Variants in ZBTB46 observed in about 807,000 individuals in gnomAD.
ZBTB46 encodes zinc finger and BTB domain containing 46.
ZBTB46 carries 8 observed loss-of-function variants against 44.1 expected under a neutral mutation model. The observed-to-expected ratio is 0.18, with a 90% CI of 0.11 to 0.33. The LOEUF (loss-of-function observed/expected upper bound fraction) is 0.33, where lower values mean the gene tolerates loss of function less well. ZBTB46 is among the 10% of genes least tolerant of loss of function. The pLI, the probability that ZBTB46 is intolerant of heterozygous loss-of-function variation, is 1.00. For missense variants in ZBTB46, 651 were observed against 847.7 expected, an observed-to-expected ratio of 0.77 and a Z score of 2.88; for synonymous variants, 409 against 382.3, an observed-to-expected ratio of 1.07 and a Z score of -0.81.
Position 63,807,808 on chromosome 20 carries a change from G to C in ZBTB46, c.-33-17018C>G, listed in dbSNP as rs550888956. ...GTCTGGCTTACAGGCGGCGCCTCAG[G>C]GCTCGCTCCCCCTCCGAGCGGGTCT... On this transcript the variant is annotated intron_variant, in intron 1 of 4. Coordinates refer to ENST00000245663, the MANE Select transcript of ZBTB46 (RefSeq NM_001369741.1). Among the ~76,000 whole-genome samples, 231 of 152,388 alleles carry C rather than the reference G, an allele frequency of 1.5e-3. 1 individual carries two copies. The Middle Eastern group carries it at 0.017, about 11-fold the overall frequency.
At chr20:63,782,358 A>G (rs1021679370) in intron 2 of ZBTB46, among the ~76,000 whole-genome samples, 114 of 152,080 alleles carry the variant, frequency 7.5e-4, no homozygotes, top group Non-Finnish European at 2.9e-4. Context: ...AGAAGCGAGG[A>G]TGGGAAGGGG....
intron 3 of ZBTB46, among the ~76,000 whole-genome samples, chr20:63,754,261 T>C (rs951940304): frequency 4.6e-5 from 7 of 152,158 alleles, no homozygotes; most frequent in East Asian, 1.9e-4. Context: ...TCAGCCACAC[T>C]GTGCCCCTGG....
chr20:63,815,898 A>C (rs1226651269), intron 1 of ZBTB46, among the ~76,000 whole-genome samples: 1 of 136,012 alleles, frequency 7.4e-6, no homozygotes, highest in Non-Finnish European at 1.6e-5. Context: ...TGCAGTGGGC[A>C]CAGGTACAGT....
chr20:63,792,063 T>C (rs1318745227), intron 1 of ZBTB46, among the ~76,000 whole-genome samples: 1 of 152,208 alleles, frequency 6.6e-6, no homozygotes, highest in African/African-American at 2.4e-5. Context: ...TGCACGTCTG[T>C]GTCCAAATGT....
chr20:63,769,298 C>A, intron 3 of ZBTB46: 1 of 985,402 alleles, frequency 1.0e-6, no homozygotes, highest in Non-Finnish European at 1.2e-6. Flanking sequence ...TCTGGCGGTT[C>A]CCCAGAGCTC....
rs1233998753 is a variant in ZBTB46, at chr20:63,789,921, G to T, written c.837C>A (p.Val279=). The change falls in exon 2 of 5, where the codon GTC becomes GTA. Residue 279 remains valine (V), a synonymous_variant. Transcript: ENST00000245663. ...CTTCCACCTGCTGTGTGATGTGCCG[G>T]ACGGTCTCTTTGTTTTTCCGATTCT... The part of the protein sequence containing the change: ...RRKNRKNKET[V]RHITQQVEDD... 6.2e-7 allele frequency: 1 copy of T among 1,614,090 alleles called. No homozygotes were observed. The highest frequency in any genetic ancestry group is 8.5e-7 in the Non-Finnish European group (1 of 1,180,044).
At chr20:63,783,049 G>A (rs1461366919) in intron 2 of ZBTB46, among the ~76,000 whole-genome samples, 3 of 152,168 alleles carry the variant, frequency 2.0e-5, no homozygotes, top group African/African-American at 7.2e-5. Flanking sequence ...AGGATCACCT[G>A]AGCCCAGGAG....
chr20:63,829,659 T>C (rs1364434100), intron 1 of ZBTB46, among the ~76,000 whole-genome samples: 2 of 152,234 alleles, frequency 1.3e-5, no homozygotes, highest in African/African-American at 4.8e-5. Flanking sequence ...TGGAAACACG[T>C]AAAACACACC....
chr20:63,816,125 G>C (rs951841639), intron 1 of ZBTB46, among the ~76,000 whole-genome samples: 1 of 146,360 alleles, frequency 6.8e-6, no homozygotes, highest in Non-Finnish European at 1.5e-5. Context: ...GGCGCAGGTG[G>C]GCGCAGGTGC....
At chr20:63,764,633 G>C (rs887899977) in intron 3 of ZBTB46, among the ~76,000 whole-genome samples, 1 of 147,760 alleles carries the variant, frequency 6.8e-6, no homozygotes, top group Non-Finnish European at 1.5e-5. Context: ...ACGGAGTTTC[G>C]CTCTTGTTGC....
intron 1 of ZBTB46, among the ~76,000 whole-genome samples, chr20:63,825,038 C>T (rs2092812305): frequency 1.8e-5 from 1 of 54,286 alleles, no homozygotes; most frequent in Non-Finnish European, 3.6e-5. Context: ...ATCACTGCAC[C>T]CCCGTCTCAC....
chr20:63,748,565 C>G (rs2092128273), intron 4 of ZBTB46, among the ~76,000 whole-genome samples: 1 of 152,212 alleles, frequency 6.6e-6, no homozygotes, highest in African/African-American at 2.4e-5. Context: ...TGTCTCTGCC[C>G]TCCAAGGACC....
rs1436748215 is a variant in ZBTB46, at chr20:63,752,532, G to A, written c.1398+154C>T. Among the ~76,000 whole-genome samples the A allele has an allele frequency of 2.9e-4, 44 of 152,272 alleles. No individual in the cohort carries two copies. On this transcript the variant is annotated intron_variant, in intron 4 of 4. Coordinates refer to ENST00000245663, the MANE Select transcript of ZBTB46 (RefSeq NM_001369741.1). This position sits in a 1 kb window ranked among gnomAD's most constrained non-coding sequence, Gnocchi z 5.6. ...GGAGGCCGGGGCAGAGCAGACAGGG[G>A]CCCGGGGCGGATCTCCCTGCCCTGC... is the stretch of plus-strand genomic sequence containing the variant.
At chr20:63,772,754 C>T (rs1447248477) in intron 3 of ZBTB46, among the ~76,000 whole-genome samples, 1 of 61,308 alleles carries the variant, frequency 1.6e-5, no homozygotes, top group Non-Finnish European at 3.5e-5. Flanking sequence ...CACACACACA[C>T]ACACACACAC....
Position 63,747,227 on chromosome 20 carries a change from G to C in ZBTB46, c.1473C>G (p.Ile491Met). The change falls in exon 5 of 5, where the codon ATC becomes ATG. Residue 491 changes from isoleucine (I) to methionine (M), a missense_variant. Ile to Met is a conservative substitution (Grantham distance 10). Coordinates refer to ENST00000245663, the MANE Select transcript of ZBTB46 (RefSeq NM_001369741.1). Reference protein sequence around the residue: ...RVFMSAASVGIRHGSRRHGVC... With the variant: ...RVFMSAASVGMRHGSRRHGVC... Reference sequence around the variant, plus strand: ...CACCGTGGCGCCTGGAGCCATGCCTGATGCCCACGCTGGCGGCGGACATGA... The same window carrying C: ...CACCGTGGCGCCTGGAGCCATGCCTCATGCCCACGCTGGCGGCGGACATGA... 6.3e-7 allele frequency: 1 copy of C among 1,594,932 alleles called. No homozygotes were observed. Among genetic ancestry groups the C allele is most frequent in the Non-Finnish European group, 8.5e-7 (1 of 1,170,924 alleles).
intron 1 of ZBTB46, among the ~76,000 whole-genome samples, chr20:63,811,253 G>T (rs1000348492): frequency 5.3e-5 from 8 of 152,152 alleles, no homozygotes; most frequent in African/African-American, 9.7e-5. Flanking sequence ...CCCCCCTAGG[G>T]GCAAGAGACG....
intron 1 of ZBTB46, among the ~76,000 whole-genome samples, chr20:63,830,846 C>T (rs1333888089): frequency 1.4e-5 from 2 of 143,344 alleles, no homozygotes; most frequent in African/African-American, 5.0e-5. Context: ...CCGCCCCGCG[C>T]CGCCGGCCTG....
intron 3 of ZBTB46, among the ~76,000 whole-genome samples, chr20:63,758,185 C>T (rs1263154962): frequency 7.0e-5 from 9 of 128,262 alleles, no homozygotes; most frequent in African/African-American, 2.5e-4. Context: ...AGCTCACACT[C>T]CCCCCACCCG....
At chr20:63,814,489 A>C (rs983742213) in intron 1 of ZBTB46, among the ~76,000 whole-genome samples, 1 of 152,234 alleles carries the variant, frequency 6.6e-6, no homozygotes, top group Non-Finnish European at 1.5e-5. Context: ...GCGGTGAGAG[A>C]GAATCTCATC....
Sources: allele counts gnomAD v4.1 joint callset (sites outside exome capture counted in the v4.1 genomes callset), GRCh38; gene constraint gnomAD v4.1.1; non-coding constraint Gnocchi (gnomAD v3.1); transcripts MANE v1.5; gene names NCBI Gene and HGNC (gene_info 2026-07-23, HGNC 2026-07-21).